RAD50: variants seen among roughly 807,000 people sequenced by gnomAD.
RAD50 encodes the protein DNA repair protein RAD50.
Under a neutral mutation model 168.8 loss-of-function variants are expected in RAD50, and 132 were observed. The ratio of observed to expected loss-of-function variants is 0.78; its 90% CI spans 0.68 to 0.90. The LOEUF (loss-of-function observed/expected upper bound fraction) is 0.90, where lower values mean the gene tolerates loss of function less well. Ranked by LOEUF, RAD50 falls within the 40% of genes least tolerant of loss-of-function variation. The pLI, the probability that RAD50 is intolerant of heterozygous loss-of-function variation, is 0.00. For missense variants in RAD50, 1,347 were observed against 1,534.4 expected (o/e 0.88, Z 2.04); for synonymous variants, 525 against 497.4 (o/e 1.06, Z -0.74).
chr5:132,631,308 TAG>T (rs1331898715), intron 21 of RAD50, among the ~76,000 whole-genome samples: 1 of 151,970 alleles, frequency 6.6e-6, no homozygotes, highest in Non-Finnish European at 1.5e-5. Flanking sequence ...TTAGTAGAGA[TAG>T]AGTTTTACCA....
At chr5:132,564,063 A>G (rs1487418192) in intron 2 of RAD50, among the ~76,000 whole-genome samples, 1 of 152,188 alleles carries the variant, frequency 6.6e-6, no homozygotes. Flanking sequence ...AACCAGTTTC[A>G]GGTATTTCTT....
intron 2 of RAD50, among the ~76,000 whole-genome samples, chr5:132,561,019 G>A (rs774607515): frequency 2.6e-5 from 4 of 152,180 alleles, no homozygotes; most frequent in Non-Finnish European, 5.9e-5. Context: ...TAATCTCAAT[G>A]TGCCAGATAG....
chr5:132,610,996 G>GTAGAA (rs2149850672), intron 19 of RAD50, among the ~76,000 whole-genome samples: 1 of 152,306 alleles, frequency 6.6e-6, no homozygotes, highest in African/African-American at 2.4e-5. Context: ...GGAAAACAAG[G>GTAGAA]CAGTGTAGAA....
intron 19 of RAD50, among the ~76,000 whole-genome samples, chr5:132,611,705 T>TA (rs34112186): frequency 0.016 from 1,684 of 102,778 alleles, 23 homozygotes; most frequent in African/African-American, 0.043. Flanking sequence ...GACTCCGTCT[T>TA]AAAAAAAAAA....
chr5:132,559,001 A>G (rs764736820), intron 1 of RAD50, among the ~76,000 whole-genome samples: 3 of 152,232 alleles, frequency 2.0e-5, no homozygotes, highest in Non-Finnish European at 2.9e-5. Context: ...ACTGTTAGCC[A>G]TTCTTATTAT....
At position 132,643,730 on chromosome 5, in the gene RAD50, G is replaced by GGGGA. The variant is rs1751791431; in HGVS notation, c.*1369_*1370insAGGG. On this transcript the variant is annotated 3_prime_UTR_variant, in exon 25 of 25. Coordinates refer to ENST00000378823, the MANE Select transcript of RAD50 (RefSeq NM_005732.4). The stretch of plus-strand genomic sequence containing the variant: ...TCCTGGGGGTGGTGGTGGGGTGGGG[G>GGGGA]GGGGTCCTAAATGTAATCACGAGTA... 4.7e-6 allele frequency: 1 copy of GGGGA among 212,030 alleles called. No homozygotes were observed. The highest frequency in any genetic ancestry group is 6.0e-5 in the Admixed American group (1 of 16,716). The allele number at this position is 212,030 out of a possible 1,614,324, so 13.1% of individuals were successfully genotyped here.
At position 132,637,164 on chromosome 5, in the gene RAD50, A is replaced by G. The variant is rs1581020219; in HGVS notation, c.3439A>G (p.Ile1147Val). Residue 1147 changes from isoleucine (I) to valine (V), a missense_variant, in exon 22 of 25, where the codon ATA becomes GTA. Ile to Val is a conservative substitution (Grantham distance 29). Around this residue, in one of 3 missense-constraint regions of RAD50, gnomAD observed 635 missense variants for 739.2 expected, o/e 0.86. Coordinates refer to ENST00000378823, the MANE Select transcript of RAD50 (RefSeq NM_005732.4). ...SMKMEEINKI[I>V]RDLWRSTYRG... ...GAAAATGGAAGAAATCAATAAAATT[A>G]TACGTGACCTGTGGCGAAGTACCTA... 2.5e-6 allele frequency: 4 copies of G among 1,612,564 alleles called. No individual in the cohort carries two copies. The highest frequency in any genetic ancestry group is 1.3e-5 in the African/African-American group (1 of 75,006).
intron 20 of RAD50, 64 bp from the exon 21 acceptor site, chr5:132,618,006 T>G (rs760474732): frequency 1.5e-6 from 2 of 1,324,864 alleles, no homozygotes; most frequent in Non-Finnish European, 2.2e-6. Flanking sequence ...AATCTATGAC[T>G]TTTCCACTTC....
At chr5:132,565,843 C>G (rs1750199374) in intron 2 of RAD50, among the ~76,000 whole-genome samples, 1 of 152,182 alleles carries the variant, frequency 6.6e-6, no homozygotes, top group South Asian at 2.1e-4. Context: ...ATTCCTCTTT[C>G]ATCCTGCTGG....
At chr5:132,630,122 C>T (rs146158867) in intron 21 of RAD50, among the ~76,000 whole-genome samples, 6,145 of 151,498 alleles carry the variant, frequency 0.041, 349 homozygotes, top group African/African-American at 0.13. Flanking sequence ...AGCTCACTGC[C>T]ATCTCCACCT....
At chr5:132,570,082 T>G (rs910674262) in intron 2 of RAD50, among the ~76,000 whole-genome samples, 1 of 152,188 alleles carries the variant, frequency 6.6e-6, no homozygotes, top group Non-Finnish European at 1.5e-5. Context: ...CATTTCAATT[T>G]AATAGTCTTT....
chr5:132,618,026 A>C, intron 20 of RAD50, 44 bp from the exon 21 acceptor site: 1 of 1,529,398 alleles, frequency 6.5e-7, no homozygotes, highest in Non-Finnish European at 9.0e-7. Flanking sequence ...CAGGTTGTTA[A>C]AAGCTAAAAA....
At chr5:132,599,467 T>G (rs1750848108) in intron 13 of RAD50, among the ~76,000 whole-genome samples, 1 of 152,196 alleles carries the variant, frequency 6.6e-6, no homozygotes, top group African/African-American at 2.4e-5. Flanking sequence ...AGAGGAAGTC[T>G]TCTTCCCAAT....
At chr5:132,606,371 T>C (rs575128782) in intron 16 of RAD50, among the ~76,000 whole-genome samples, 11 of 151,604 alleles carry the variant, frequency 7.3e-5, no homozygotes, top group African/African-American at 2.7e-4. Context: ...TAGAAAATAA[T>C]AAATGGATAA....
intron 21 of RAD50, among the ~76,000 whole-genome samples, chr5:132,634,996 T>C (rs1242864427): frequency 2.0e-5 from 3 of 152,212 alleles, no homozygotes; most frequent in South Asian, 2.1e-4. Context: ...TTTCCCCTTA[T>C]GTTTCTCCTT....
chr5:132,602,646 A>G (rs28525409), intron 13 of RAD50, among the ~76,000 whole-genome samples: 436 of 152,316 alleles, frequency 2.9e-3, no homozygotes, highest in Middle Eastern at 6.8e-3. Context: ...TCCCTCATCC[A>G]GCTCCTCCTG....
intron 21 of RAD50, among the ~76,000 whole-genome samples, chr5:132,620,893 TTC>T (rs1215434805): frequency 6.6e-6 from 1 of 152,082 alleles, no homozygotes; most frequent in Non-Finnish European, 1.5e-5. Flanking sequence ...AAAATATATT[TTC>T]TGTTAAGTGG....
intron 21 of RAD50, among the ~76,000 whole-genome samples, chr5:132,631,842 A>G (rs1322356964): frequency 5.3e-5 from 8 of 152,106 alleles, no homozygotes; most frequent in Admixed American, 5.2e-4. Flanking sequence ...AAGTGCTGGG[A>G]TTGCAGGTGT....
rs769473693 is a variant in RAD50, at chr5:132,589,779, A to G, written c.1394A>G (p.Gln465Arg). The change falls in exon 9 of 25, where the codon CAG (glutamine) becomes CGG (arginine). Residue 465 changes from glutamine to arginine, a missense_variant. This residue lies in a region of RAD50 where 703 missense variants were observed against 767.7 expected (regional missense o/e 0.92). Transcript: ENST00000378823. The stretch of plus-strand genomic sequence containing the variant: ...CTGAAAAATGTGAAGTATGAATTAC[A>G]GCAGTTGGAAGGATCTTCAGACAGG... ...NELKNVKYEL[Q>R]QLEGSSDRIL... is the part of the protein sequence containing the mutation. 5.6e-6 allele frequency: 9 copies of G among 1,613,820 alleles called. No individual in the cohort carries two copies. In the South Asian group the frequency reaches 9.9e-5, roughly 18 times the overall value.
Sources: gnomAD v4.1 joint callset for allele counts (sites outside exome capture counted in the v4.1 genomes callset) on GRCh38, gnomAD v4.1.1 for gene constraint, gnomAD v4.1.1 regional missense constraint, MANE v1.5 for transcripts, NCBI Gene and HGNC (gene_info 2026-07-23, HGNC 2026-07-21) for gene names.